EDC4: variants seen among roughly 807,000 people sequenced by gnomAD.
EDC4 encodes enhancer of mRNA decapping 4.
EDC4 carries 64 observed loss-of-function variants against 155.8 expected under a neutral mutation model. The observed-to-expected ratio is 0.41, with a 90% confidence interval of 0.34 to 0.51. The LOEUF is 0.51. Ranked by LOEUF, EDC4 falls within the 20% of genes least tolerant of loss-of-function variation. The probability of loss-of-function intolerance (pLI) is 0.19; values close to 1 mark genes in which losing one functional copy is unlikely to be tolerated. For synonymous variants in EDC4, 684 were observed against 716.8 expected, an observed-to-expected ratio of 0.95 and a Z score of 0.73; for missense variants, 1,303 against 1,812.5, an observed-to-expected ratio of 0.72 and a Z score of 5.10.
rs376460102 is a variant in EDC4 at position 67,878,888 on chromosome 16, G to A, written c.1287+49G>A. 1.5e-5 allele frequency: 24 copies of A among 1,611,220 alleles called. No individual in the cohort carries two copies. Among genetic ancestry groups the A allele is most frequent in the Non-Finnish European group, 2.0e-5 (24 of 1,179,942 alleles). On this transcript the variant is annotated intron_variant, in intron 11 of 28. Transcript: ENST00000358933. This position sits in a 1 kb window ranked among gnomAD's most constrained non-coding sequence, Gnocchi z 5.2. ...GGCAGAGTTGGGATTATAGAGGAAGGCCGGGGGGCAGGTGGCGCATCACAG... is the reference window on the plus strand; with the variant it reads ...GGCAGAGTTGGGATTATAGAGGAAGACCGGGGGGCAGGTGGCGCATCACAG...
Position 67,878,088 on chromosome 16 carries a change from GC to G in EDC4, c.895-75del. The G allele has an allele frequency of 6.3e-7, 1 of 1,590,622 alleles. No homozygotes were observed. The highest frequency in any genetic ancestry group is 8.6e-7 in the Non-Finnish European group (1 of 1,167,416). ...AGCATGCCAGTCCCACCGTGAGTCA[GC>G]CCAGCTCATTGCCATCCTCACTTGG... On this transcript the variant is annotated intron_variant, in intron 7 of 28. Transcript: ENST00000358933. This position sits in a 1 kb window ranked among gnomAD's most constrained non-coding sequence, Gnocchi z 5.2.
Position 67,882,662 on chromosome 16 carries a change from C to G in EDC4, c.3443-17C>G. Reference sequence around the variant, plus strand: ...TTTCCTACTGTTCCTCTTATAGTCCCTGTGGTCACCCCTCAGACTTGCAGC... The same window carrying G: ...TTTCCTACTGTTCCTCTTATAGTCCGTGTGGTCACCCCTCAGACTTGCAGC... On this transcript the variant is annotated splice_polypyrimidine_tract_variant and intron_variant, in intron 25 of 28. Coordinates refer to ENST00000358933, the MANE Select transcript of EDC4 (RefSeq NM_014329.5). The surrounding 1 kb of genome is among the most constrained non-coding windows in gnomAD (Gnocchi z 7.2). 6.2e-7 allele frequency: 1 copy of G among 1,614,216 alleles called. No homozygotes were observed. The highest frequency in any genetic ancestry group is 1.1e-5 in the South Asian group (1 of 91,088).
chr16:67,880,423 C>T lies in EDC4; in HGVS notation c.2098-134C>T. On this transcript the variant is annotated intron_variant, in intron 17 of 28. Transcript: ENST00000358933. This position sits in a 1 kb window ranked among gnomAD's most constrained non-coding sequence, Gnocchi z 5.2. Reference sequence around the variant, plus strand: ...CCCACCTCCTCTTCTTGGCTGTGGCCTCGTTTTTGACCTGTATCCCCACTT... The same window carrying T: ...CCCACCTCCTCTTCTTGGCTGTGGCTTCGTTTTTGACCTGTATCCCCACTT... The T allele has an allele frequency of 2.9e-6, 4 of 1,386,754 alleles. No homozygotes were observed. Among genetic ancestry groups the T allele is most frequent in the Non-Finnish European group, 3.9e-6 (4 of 1,019,696 alleles). The allele number at this position is 1,386,754 out of a possible 1,614,324, so 85.9% of individuals were successfully genotyped here. A position where few individuals can be genotyped will look rare whatever the true frequency, so the allele number is the denominator to read the frequency against.
Position 67,880,253 on chromosome 16 carries a change from A to G in EDC4, c.2097+37A>G. 6.4e-7 allele frequency: 1 copy of G among 1,558,376 alleles called. No homozygotes were observed. Among genetic ancestry groups the G allele is most frequent in the Middle Eastern group, 2.2e-4 (1 of 4,466 alleles). Reference sequence around the variant, plus strand: ...GGTGTGTGTGTGAAGTGTGGGGAGCAGGTGGGCAGCAGCAGGGAAGGTGGG... The same window carrying G: ...GGTGTGTGTGTGAAGTGTGGGGAGCGGGTGGGCAGCAGCAGGGAAGGTGGG... On this transcript the variant is annotated intron_variant, in intron 17 of 28. Transcript: ENST00000358933. This position sits in a 1 kb window ranked among gnomAD's most constrained non-coding sequence, Gnocchi z 5.2.
intron 1 of EDC4, 130 bp downstream of exon 1, chr16:67,873,473 G>C (rs1354040680): frequency 1.4e-6 from 1 of 716,398 alleles, no homozygotes; most frequent in African/African-American, 1.9e-5. Flanking sequence ...GGGTGGACGG[G>C]GATTGACTGT....
In EDC4 at chr16:67,878,151, T is replaced by C; in HGVS notation, c.895-15T>C. On this transcript the variant is annotated splice_polypyrimidine_tract_variant and intron_variant, in intron 7 of 28. Coordinates refer to ENST00000358933, the MANE Select transcript of EDC4 (RefSeq NM_014329.5). This position sits in a 1 kb window ranked among gnomAD's most constrained non-coding sequence, Gnocchi z 5.2. The stretch of plus-strand genomic sequence containing the variant: ...TCTCACCTCTAGTCAGCAAAGCTTT[T>C]TGGGTTCTTTCTAGTGCCTCAGTGA... 6.2e-7 allele frequency: 1 copy of C among 1,614,156 alleles called. No homozygotes were observed. Among genetic ancestry groups the C allele is most frequent in the Non-Finnish European group, 8.5e-7 (1 of 1,180,032 alleles).
Position 67,883,536 on chromosome 16 carries a change from G to A in EDC4, c.3850-32G>A. ...AAGCAGACATTCCATCCTGATATTT[G>A]CTATAAACACTGCTGCTTTTTTCTC... is the stretch of plus-strand genomic sequence containing the variant. On this transcript the variant is annotated intron_variant, in intron 27 of 28. Coordinates refer to ENST00000358933, the MANE Select transcript of EDC4 (RefSeq NM_014329.5). This position sits in a 1 kb window ranked among gnomAD's most constrained non-coding sequence, Gnocchi z 5.3. 6.2e-7 allele frequency: 1 copy of A among 1,608,878 alleles called. No homozygotes were observed. Among genetic ancestry groups the A allele is most frequent in the Non-Finnish European group, 8.5e-7 (1 of 1,179,278 alleles).
In EDC4 at chr16:67,881,238, G is replaced by T. The variant is rs2058066613; in HGVS notation, c.2637-27G>T. On this transcript the variant is annotated intron_variant, in intron 19 of 28. Transcript: ENST00000358933. The surrounding 1 kb of genome is among the most constrained non-coding windows in gnomAD (Gnocchi z 5.4). The stretch of plus-strand genomic sequence containing the variant: ...GGGGATGGGCAGCAAGTGGGCAGGG[G>T]CTTACTCCTCCTTCCCCTTCCCACA... 1.2e-6 allele frequency: 2 copies of T among 1,613,844 alleles called. No individual in the cohort carries two copies. Among genetic ancestry groups the T allele is most frequent in the African/African-American group, 1.3e-5 (1 of 74,916 alleles).
chr16:67,877,733 C>T lies in EDC4; in HGVS notation c.790-8C>T. 6.2e-7 allele frequency: 1 copy of T among 1,614,158 alleles called. No homozygotes were observed. The highest frequency in any genetic ancestry group is 8.5e-7 in the Non-Finnish European group (1 of 1,180,038). On this transcript the variant is annotated splice_polypyrimidine_tract_variant and splice_region_variant and intron_variant, in intron 6 of 28. Coordinates refer to ENST00000358933, the MANE Select transcript of EDC4 (RefSeq NM_014329.5). This position sits in a 1 kb window ranked among gnomAD's most constrained non-coding sequence, Gnocchi z 4.9. ...TGGGCTGCACACTCACCTCCCTGTG[C>T]CTTCCAGGCTGAGGTGTGGGACCTG...
chr16:67,876,037 A>T lies in EDC4; in HGVS notation c.175A>T (p.Thr59Ser). The T allele has an allele frequency of 1.2e-6, 2 of 1,614,162 alleles. No homozygotes were observed. Among genetic ancestry groups the T allele is most frequent in the Non-Finnish European group, 1.7e-6 (2 of 1,180,030 alleles). ...AGACCCGCTCTGCTCAGGTGATAGT[A>T]CCTCAGCAAACAAGACTGGTCTTCG... ...VPDPLCSGDS[T>S]SANKTGLRTM... Residue 59 changes from threonine (T) to serine (S), a missense_variant, in exon 2 of 29, where the codon ACC becomes TCC. Around this residue, in one of 5 missense-constraint regions of EDC4, gnomAD observed 99 missense variants for 121.3 expected, o/e 0.82. Coordinates refer to ENST00000358933, the MANE Select transcript of EDC4 (RefSeq NM_014329.5). The surrounding 1 kb of genome is among the most constrained non-coding windows in gnomAD (Gnocchi z 5.8).
At position 67,882,579 on chromosome 16, in the gene EDC4, C is replaced by G. The variant is rs1308195476; in HGVS notation, c.3427C>G (p.Leu1143Val). 5.0e-6 allele frequency: 8 copies of G among 1,614,234 alleles called. No homozygotes were observed. The highest frequency in any genetic ancestry group is 6.8e-6 in the Non-Finnish European group (8 of 1,180,046). Residue 1143 changes from leucine to valine, a missense_variant, in exon 25 of 29, where the codon CTG becomes GTG. Coordinates refer to ENST00000358933, the MANE Select transcript of EDC4 (RefSeq NM_014329.5). This position sits in a 1 kb window ranked among gnomAD's most constrained non-coding sequence, Gnocchi z 7.2. Reference sequence around the variant, plus strand: ...CCAGCAAATCAATGATAGCTTCCGGCTGGGGACACAGGAATGTGAGTGGGG... The same window carrying G: ...CCAGCAAATCAATGATAGCTTCCGGGTGGGGACACAGGAATGTGAGTGGGG... Reference protein sequence around the residue: ...MFQQINDSFRLGTQEYLQQLE... With the variant: ...MFQQINDSFRVGTQEYLQQLE...
chr16:67,880,737 G>C lies in EDC4; in HGVS notation c.2278G>C (p.Ala760Pro). The change falls in exon 18 of 29, where the codon GCA becomes CCA. Residue 760 changes from alanine to proline, a missense_variant. This residue lies in a region of EDC4 where 391 missense variants were observed against 445.4 expected (regional missense o/e 0.88). Transcript: ENST00000358933. The surrounding 1 kb of genome is among the most constrained non-coding windows in gnomAD (Gnocchi z 5.2). ...CCTGTCCCGTGGTTTTGGCTCCTCT[G>C]CACCAGAGGGCCTTGAGCCAGACAG... ...EALSRGFGSSAPEGLEPDSMA... is the reference protein window; with the variant it reads ...EALSRGFGSSPPEGLEPDSMA... 6.2e-7 allele frequency: 1 copy of C among 1,614,214 alleles called. No homozygotes were observed. The highest frequency in any genetic ancestry group is 8.5e-7 in the Non-Finnish European group (1 of 1,180,028).
rs936274745 is a variant in EDC4, at chr16:67,880,908, C to T, written c.2449C>T (p.Gln817Ter). Residue 817 changes from glutamine to a stop codon, truncating the protein, a stop_gained, in exon 18 of 29, where the codon CAG becomes TAG. Coordinates refer to ENST00000358933, the MANE Select transcript of EDC4 (RefSeq NM_014329.5). LOFTEE classifies it high-confidence loss of function. This position sits in a 1 kb window ranked among gnomAD's most constrained non-coding sequence, Gnocchi z 5.2. ...TPSLLEAALT[Q>*]EASTPDSQVW... is the part of the protein sequence containing the mutation. ...CTCCCTCCTGGAGGCAGCCTTGACCCAGGAGGCCTCGACTCCTGACAGTCA... is the reference window on the plus strand; with the variant it reads ...CTCCCTCCTGGAGGCAGCCTTGACCTAGGAGGCCTCGACTCCTGACAGTCA... 1 of 1,613,888 alleles carries T rather than the reference C, an allele frequency of 6.2e-7. No homozygotes were observed. Among genetic ancestry groups the T allele is most frequent in the Non-Finnish European group, 8.5e-7 (1 of 1,180,004 alleles).
At position 67,880,408 on chromosome 16, in the gene EDC4, C is replaced by T. The variant is rs1049747438; in HGVS notation, c.2098-149C>T. The T allele has an allele frequency of 3.8e-5, 51 of 1,357,706 alleles. No homozygotes were observed. The African/African-American group carries it at 6.5e-4, about 17-fold the overall frequency. The allele number at this position is 1,357,706 out of a possible 1,614,324, so 84.1% of individuals were successfully genotyped here. On this transcript the variant is annotated intron_variant, in intron 17 of 28. Coordinates refer to ENST00000358933, the MANE Select transcript of EDC4 (RefSeq NM_014329.5). This position sits in a 1 kb window ranked among gnomAD's most constrained non-coding sequence, Gnocchi z 5.2. ...CTCAGCCTCCCTGTCCCCACCTCCT[C>T]TTCTTGGCTGTGGCCTCGTTTTTGA...
At position 67,877,932 on chromosome 16, in the gene EDC4, C is replaced by A; in HGVS notation, c.894+87C>A. 1 of 1,563,192 alleles carries A rather than the reference C, an allele frequency of 6.4e-7. No individual in the cohort carries two copies. Among genetic ancestry groups the A allele is most frequent in the Non-Finnish European group, 8.7e-7 (1 of 1,151,112 alleles). ...CCTATATCCACAGCTGCCCGGGCAGCTTTACTAGCATTCTGCCCGTGGGGA... is the reference window on the plus strand; with the variant it reads ...CCTATATCCACAGCTGCCCGGGCAGATTTACTAGCATTCTGCCCGTGGGGA... On this transcript the variant is annotated intron_variant, in intron 7 of 28. Coordinates refer to ENST00000358933, the MANE Select transcript of EDC4 (RefSeq NM_014329.5). This position sits in a 1 kb window ranked among gnomAD's most constrained non-coding sequence, Gnocchi z 4.9.
In EDC4 at chr16:67,881,175, G is replaced by A; in HGVS notation, c.2631G>A (p.Glu877=). The A allele has an allele frequency of 6.2e-7, 1 of 1,614,118 alleles. No individual in the cohort carries two copies. The highest frequency in any genetic ancestry group is 8.5e-7 in the Non-Finnish European group (1 of 1,180,042). The part of the protein sequence containing the change: ...QQRDSQDASA[E]QSDHDDEVAS... ...GTGACAGCCAGGATGCCAGTGCTGA[G>A]CAAAGGTGGGAGCCACTCTACACCA... The change falls in exon 19 of 29, where the codon GAG becomes GAA. Residue 877 remains glutamate, a synonymous_variant. Transcript: ENST00000358933. This position sits in a 1 kb window ranked among gnomAD's most constrained non-coding sequence, Gnocchi z 5.4.
At position 67,884,274 on chromosome 16, in the gene EDC4, G is replaced by GT; in HGVS notation, c.*126_*127insT. ...CCATCTCTGGGGTGTTTGGGGGTCAGGGAGCAGGGAGCACTGGCCGTGGTC... is the reference window on the plus strand; with the variant it reads ...CCATCTCTGGGGTGTTTGGGGGTCAGTGGAGCAGGGAGCACTGGCCGTGGTC... On this transcript the variant is annotated 3_prime_UTR_variant, in exon 29 of 29. Coordinates refer to ENST00000358933, the MANE Select transcript of EDC4 (RefSeq NM_014329.5). The surrounding 1 kb of genome is among the most constrained non-coding windows in gnomAD (Gnocchi z 4.1). 2 of 888,728 alleles carry GT rather than the reference G, an allele frequency of 2.3e-6. No individual in the cohort carries two copies. Among genetic ancestry groups the GT allele is most frequent in the Non-Finnish European group, 3.3e-6 (2 of 602,054 alleles). 55.1% of individuals were successfully genotyped at this position (888,728 alleles called of 1,614,324 possible). A position where few individuals can be genotyped will look rare whatever the true frequency, so the allele number is the denominator to read the frequency against.
chr16:67,880,406 CTCT>C lies in EDC4; in HGVS notation c.2098-146_2098-144del, dbSNP rs1015356054. ...TCCTCAGCCTCCCTGTCCCCACCTC[CTCT>C]TCTTGGCTGTGGCCTCGTTTTTGAC... is the stretch of plus-strand genomic sequence containing the variant. On this transcript the variant is annotated intron_variant, in intron 17 of 28. Coordinates refer to ENST00000358933, the MANE Select transcript of EDC4 (RefSeq NM_014329.5). The surrounding 1 kb of genome is among the most constrained non-coding windows in gnomAD (Gnocchi z 5.2). The C allele has an allele frequency of 5.9e-6, 8 of 1,348,058 alleles. No homozygotes were observed. The highest frequency in any genetic ancestry group is 2.9e-5 in the African/African-American group (2 of 68,664). 83.5% of individuals were successfully genotyped at this position (1,348,058 alleles called of 1,614,324 possible).
Position 67,875,952 on chromosome 16 carries a change from T to G in EDC4, c.90T>G (p.Ser30Arg), listed in dbSNP as rs1321091657. 1 of 1,613,302 alleles carries G rather than the reference T, an allele frequency of 6.2e-7. No homozygotes were observed. The highest frequency in any genetic ancestry group is 2.2e-5 in the East Asian group (1 of 44,890). ...LKLDRPAGGP[S>R]AESPRPSSAY... is the part of the protein sequence containing the mutation. ...GACCCTCTTTGTCCCCAGGCCCCAG[T>G]GCAGAGAGCCCACGGCCATCCAGTG... The change falls in exon 2 of 29, where the codon AGT becomes AGG. Residue 30 changes from serine to arginine, a missense_variant. Physicochemically the swap from Ser to Arg is moderately radical, Grantham distance 110. This residue lies in a region of EDC4 where 99 missense variants were observed against 121.3 expected (regional missense o/e 0.82). Transcript: ENST00000358933.
Sources: gnomAD v4.1 joint callset for allele counts on GRCh38, gnomAD v4.1.1 for gene constraint, gnomAD v4.1.1 regional missense constraint, Gnocchi (gnomAD v3.1) non-coding constraint, MANE v1.5 for transcripts, NCBI Gene and HGNC (gene_info 2026-07-23, HGNC 2026-07-21) for gene names.